MCTP2: variants seen among roughly 807,000 people sequenced by gnomAD.
MCTP2 encodes multiple C2 and transmembrane domain containing 2, also known as multiple C2 and transmembrane domain-containing protein 2.
Under a neutral mutation model 111.6 loss-of-function variants are expected in MCTP2, and 132 were observed. That is an observed-to-expected ratio of 1.18 (90% CI 1.03 to 1.37). MCTP2 has a LOEUF of 1.37. Ranked by LOEUF, MCTP2 falls within the 40% of genes most tolerant of loss-of-function variation. The probability of loss-of-function intolerance (pLI) is 0.00; values close to 1 mark genes in which losing one functional copy is unlikely to be tolerated. For synonymous variants in MCTP2, 395 were observed against 387.7 expected (o/e 1.02, Z -0.22); for missense variants, 1,183 against 1,067.9 (o/e 1.11, Z -1.50).
intron 1 of MCTP2, among the ~76,000 whole-genome samples, chr15:94,253,271 A>G (rs1386434590): frequency 6.6e-6 from 1 of 152,158 alleles, no homozygotes; most frequent in African/African-American, 2.4e-5. Flanking sequence ...GTTAGACTAT[A>G]TAGTGTGTCT....
At chr15:94,469,174 C>T (rs2073689337) in intron 20 of MCTP2, among the ~76,000 whole-genome samples, 1 of 152,024 alleles carries the variant, frequency 6.6e-6, no homozygotes, top group African/African-American at 2.4e-5. Flanking sequence ...AAACATTCTA[C>T]CTTTCTGTAT....
chr15:94,443,619 C>A (rs181510116), intron 19 of MCTP2, among the ~76,000 whole-genome samples: 77 of 152,166 alleles, frequency 5.1e-4, no homozygotes, highest in Middle Eastern at 3.4e-3. Flanking sequence ...AAAGGGGGAA[C>A]CTTGAGAGTA....
chr15:94,313,982 G>A (rs978497298), intron 2 of MCTP2, among the ~76,000 whole-genome samples: 6 of 152,214 alleles, frequency 3.9e-5, no homozygotes, highest in African/African-American at 7.2e-5. Context: ...GTGCTGCCCC[G>A]CTGCTTTCTC....
chr15:94,455,188 T>A (rs555719331), intron 19 of MCTP2, among the ~76,000 whole-genome samples: 175 of 152,290 alleles, frequency 1.1e-3, no homozygotes, highest in African/African-American at 4.0e-3. Context: ...ATTCTGACCA[T>A]TAATGGAAAG....
At chr15:94,342,606 A>G (rs2077708081) in intron 7 of MCTP2, 1 of 115,264 alleles carries the variant, frequency 8.7e-6, no homozygotes, top group Admixed American at 9.3e-5. Context: ...ACACACACAC[A>G]TATATATTTA....
chr15:94,467,985 G>A (rs557425436), intron 20 of MCTP2, among the ~76,000 whole-genome samples: 1 of 152,254 alleles, frequency 6.6e-6, no homozygotes, highest in African/African-American at 2.4e-5. Flanking sequence ...GATGAGGGGA[G>A]GGCTTTGGTA....
At chr15:94,309,451 T>C (rs1246260320) in intron 2 of MCTP2, among the ~76,000 whole-genome samples, 4 of 152,376 alleles carry the variant, frequency 2.6e-5, no homozygotes, top group Non-Finnish European at 5.9e-5. Context: ...TGTGGGTTTA[T>C]GTTTTCTTCC....
At chr15:94,404,728 G>GA (rs2081812417) in intron 17 of MCTP2, among the ~76,000 whole-genome samples, 1 of 151,538 alleles carries the variant, frequency 6.6e-6, no homozygotes, top group Non-Finnish European at 1.5e-5. Context: ...TAGGGGACTG[G>GA]ATTGGCGGGG....
intron 19 of MCTP2, among the ~76,000 whole-genome samples, chr15:94,449,918 G>A (rs1397354309): frequency 6.6e-6 from 1 of 152,170 alleles, no homozygotes; most frequent in East Asian, 1.9e-4. Context: ...GTGGCTTGGT[G>A]TTCTGTCACT....
chr15:94,347,213 T>C (rs2078031687), intron 8 of MCTP2, among the ~76,000 whole-genome samples: 1 of 152,158 alleles, frequency 6.6e-6, no homozygotes, highest in Non-Finnish European at 1.5e-5. Context: ...AGACGCTTGA[T>C]CAACAACCTG....
rs2073538754 is a variant in MCTP2 at position 94,467,959 on chromosome 15, T to C, written c.2361-2374T>C. ...AGAAAAATAGTGATTAATCAGTTGG[T>C]GGAGTCACATCACTGGATGAGGGGA... On this transcript the variant is annotated intron_variant, in intron 20 of 22. Coordinates refer to ENST00000357742, the MANE Select transcript of MCTP2 (RefSeq NM_001385001.1). Among the ~76,000 whole-genome samples the C allele has an allele frequency of 1.3e-5, 2 of 152,164 alleles. 1 individual carries two copies. The highest frequency in any genetic ancestry group is 2.9e-5 in the Non-Finnish European group (2 of 68,010).
chr15:94,247,971 C>T (rs1204486063), intron 1 of MCTP2, among the ~76,000 whole-genome samples: 5 of 152,084 alleles, frequency 3.3e-5, no homozygotes, highest in Admixed American at 6.6e-5. Context: ...AGGGCACTTA[C>T]AGTATTGCAG....
rs1188479013 is a variant in MCTP2, at chr15:94,479,273, T to C, written c.*239T>C. 2 of 533,238 alleles carry C rather than the reference T, an allele frequency of 3.8e-6. No individual in the cohort carries two copies. Among genetic ancestry groups the C allele is most frequent in the African/African-American group, 1.9e-5 (1 of 53,176 alleles). 33.0% of individuals were successfully genotyped at this position (533,238 alleles called of 1,614,324 possible). A position where few individuals can be genotyped will look rare whatever the true frequency, so the allele number is the denominator to read the frequency against. On this transcript the variant is annotated 3_prime_UTR_variant, in exon 23 of 23. Transcript: ENST00000357742. The stretch of plus-strand genomic sequence containing the variant: ...GCGAAAAGCAACAACCCCAAGACTG[T>C]GAAAGACTAACATCCATTCTGAAAT...
At chr15:94,282,538 C>T (rs944379062) in intron 1 of MCTP2, among the ~76,000 whole-genome samples, 1 of 152,182 alleles carries the variant, frequency 6.6e-6, no homozygotes, top group East Asian at 1.9e-4. Flanking sequence ...CTATGTCTGT[C>T]ATTTCAGCCA....
chr15:94,441,583 AGT>A (rs1441662607), intron 18 of MCTP2, among the ~76,000 whole-genome samples: 2 of 152,196 alleles, frequency 1.3e-5, no homozygotes, highest in Non-Finnish European at 2.9e-5. Context: ...TATGCACATA[AGT>A]GTGTATGTAT....
chr15:94,332,592 A>G (rs1213625374), intron 4 of MCTP2, among the ~76,000 whole-genome samples: 3 of 152,216 alleles, frequency 2.0e-5, no homozygotes, highest in African/African-American at 7.2e-5. Flanking sequence ...AAAGAAAGTT[A>G]TCAGATATTC....
chr15:94,243,877 AT>A (rs1180421864), intron 1 of MCTP2, among the ~76,000 whole-genome samples: 2 of 148,158 alleles, frequency 1.3e-5, no homozygotes, highest in Non-Finnish European at 3.0e-5. Flanking sequence ...ATGTGTATAT[AT>A]TTATGTACAC....
intron 1 of MCTP2, among the ~76,000 whole-genome samples, chr15:94,245,846 T>C (rs1426804499): frequency 6.6e-6 from 1 of 151,580 alleles, no homozygotes; most frequent in Admixed American, 6.6e-5. Flanking sequence ...GCCAAAAATA[T>C]TGATCAGCTA....
intron 17 of MCTP2, among the ~76,000 whole-genome samples, chr15:94,410,844 A>G (rs949536166): frequency 2.0e-5 from 3 of 152,266 alleles, no homozygotes; most frequent in African/African-American, 7.2e-5. Flanking sequence ...TCCGTTGATC[A>G]TAATAGCCTG....
Sources: allele counts gnomAD v4.1 joint callset (sites outside exome capture counted in the v4.1 genomes callset), GRCh38; gene constraint gnomAD v4.1.1; transcripts MANE v1.5; gene names NCBI Gene and HGNC (gene_info 2026-07-23, HGNC 2026-07-21).